The following ZFAND3 variants were observed in gnomAD, a reference collection of about 807,000 sequenced individuals.
ZFAND3 encodes AN1-type zinc finger protein 3.
In ZFAND3, 10 loss-of-function variants were observed where a neutral mutation model predicts 29.6. The observed-to-expected ratio is 0.34, with a 90% CI of 0.21 to 0.57. ZFAND3 has a LOEUF of 0.57. ZFAND3 is among the 20% of genes least tolerant of loss of function. The probability of loss-of-function intolerance (pLI) is 0.86; values close to 1 mark genes in which losing one functional copy is unlikely to be tolerated. For synonymous variants in ZFAND3, 128 were observed against 112.6 expected, an observed-to-expected ratio of 1.14 and a Z score of -0.87; for missense variants, 230 against 304.5, an observed-to-expected ratio of 0.76 and a Z score of 1.82.
chr6:38,040,164 T>A (rs78647675), intron 2 of ZFAND3, among the ~76,000 whole-genome samples: 2 of 152,174 alleles, frequency 1.3e-5, no homozygotes, highest in African/African-American at 4.8e-5. Flanking sequence ...GCCTCAGCTC[T>A]TAAAGGACCT....
At chr6:38,063,752 G>A (rs944524321) in intron 3 of ZFAND3, among the ~76,000 whole-genome samples, 2 of 152,216 alleles carry the variant, frequency 1.3e-5, no homozygotes, top group Admixed American at 6.5e-5. Context: ...GAGGCTAAAT[G>A]TCCAGCTAAG....
chr6:37,968,158 T>C (rs1762324314), intron 2 of ZFAND3, among the ~76,000 whole-genome samples: 1 of 151,978 alleles, frequency 6.6e-6, no homozygotes, highest in Non-Finnish European at 1.5e-5. Flanking sequence ...GACAAGAAAT[T>C]GGGATTTAAT....
At chr6:37,906,333 C>T (rs2127402775) in intron 1 of ZFAND3, among the ~76,000 whole-genome samples, 1 of 152,186 alleles carries the variant, frequency 6.6e-6, no homozygotes, top group South Asian at 2.1e-4. Context: ...CAGGGCTTAT[C>T]CGTGTTGTTG....
At chr6:37,825,520 A>T (rs1023551810) in intron 1 of ZFAND3, among the ~76,000 whole-genome samples, 4 of 149,038 alleles carry the variant, frequency 2.7e-5, no homozygotes, top group African/African-American at 9.8e-5. Context: ...CAGGGAAATA[A>T]TTTTTTTTTT....
intron 2 of ZFAND3, among the ~76,000 whole-genome samples, chr6:38,026,259 C>G (rs543238075): frequency 5.3e-5 from 8 of 152,100 alleles, no homozygotes; most frequent in East Asian, 3.9e-4. Flanking sequence ...TCCTGTTTCT[C>G]TAGTCCCAAG....
intron 2 of ZFAND3, among the ~76,000 whole-genome samples, chr6:37,994,961 AT>A (rs1282566751): frequency 2.0e-5 from 3 of 152,132 alleles, no homozygotes; most frequent in African/African-American, 4.8e-5. Flanking sequence ...CAAGAGTGTT[AT>A]GTTTGGCTGA....
At chr6:38,076,270 A>G (rs752311818) in intron 3 of ZFAND3, among the ~76,000 whole-genome samples, 5 of 152,288 alleles carry the variant, frequency 3.3e-5, no homozygotes, top group Non-Finnish European at 5.9e-5. Flanking sequence ...GCTGTTGCAC[A>G]CTTAATAGAC....
chr6:37,890,397 C>T (rs1765074050), intron 1 of ZFAND3, among the ~76,000 whole-genome samples: 1 of 152,164 alleles, frequency 6.6e-6, no homozygotes, highest in Admixed American at 6.5e-5. Flanking sequence ...AATGGAAAGA[C>T]CATGAACCTG....
rs535134464 is a variant in ZFAND3 at position 37,839,953 on chromosome 6, G to A, written c.71+19937G>A. On this transcript the variant is annotated intron_variant, in intron 1 of 5. Transcript: ENST00000287218. The stretch of plus-strand genomic sequence containing the variant: ...AGAGCACAAAAGTTTTAATTTTGAT[G>A]AATTCTTATTTATCTTTTTGTTGTT... Among the ~76,000 whole-genome samples, 4 of 152,240 alleles carry A rather than the reference G, an allele frequency of 2.6e-5. No individual in the cohort carries two copies. In the South Asian group the frequency reaches 8.3e-4, roughly 32 times the overall value.
At chr6:38,100,153 T>A (rs2127477533) in intron 4 of ZFAND3, among the ~76,000 whole-genome samples, 1 of 152,172 alleles carries the variant, frequency 6.6e-6, no homozygotes, top group South Asian at 2.1e-4. Flanking sequence ...AACCTCCGCC[T>A]CCCAGGTTCA....
Position 38,045,059 on chromosome 6 carries a change from T to TTTAC in ZFAND3, c.113-16531_113-16530insCTTA, listed in dbSNP as rs1315746153. On this transcript the variant is annotated intron_variant, in intron 2 of 5. Coordinates refer to ENST00000287218, the MANE Select transcript of ZFAND3 (RefSeq NM_021943.3). The stretch of plus-strand genomic sequence containing the variant: ...ATCTCCCCATGTGGAAATTCTTTTA[T>TTTAC]TTATTTATTTATTTATTTATTTATT... Among the ~76,000 whole-genome samples the TTTAC allele has an allele frequency of 4.3e-3, 429 of 100,400 alleles. 2 individuals are homozygous for TTTAC. The highest frequency in any genetic ancestry group is 0.015 in the Middle Eastern group (3 of 202). The allele number at this position is 100,400 out of a possible 152,430, so 65.9% of individuals were successfully genotyped here.
chr6:38,125,484 C>T (rs1426848173), intron 5 of ZFAND3, among the ~76,000 whole-genome samples: 2 of 152,212 alleles, frequency 1.3e-5, no homozygotes, highest in Non-Finnish European at 2.9e-5. Context: ...CTGAGCTCTT[C>T]TTACAAGACC....
intron 5 of ZFAND3, among the ~76,000 whole-genome samples, chr6:38,136,247 T>C (rs1396220212): frequency 6.6e-6 from 1 of 152,228 alleles, no homozygotes; most frequent in Non-Finnish European, 1.5e-5. Flanking sequence ...TGTATTGCTA[T>C]ACCCCAGTAC....
At chr6:37,937,514 G>C (rs138424391) in intron 2 of ZFAND3, among the ~76,000 whole-genome samples, 48 of 152,040 alleles carry the variant, frequency 3.2e-4, no homozygotes, top group Non-Finnish European at 6.5e-4. Context: ...AATTAGCTGG[G>C]CCTGGTGGCA....
intron 1 of ZFAND3, among the ~76,000 whole-genome samples, chr6:37,922,247 T>C (rs181047342): frequency 7.7e-4 from 117 of 152,186 alleles, no homozygotes; most frequent in African/African-American, 2.7e-3. Flanking sequence ...AGATTTATGA[T>C]TAAAGATTTA....
chr6:38,123,151 G>A (rs576327524), intron 5 of ZFAND3, among the ~76,000 whole-genome samples: 1 of 152,346 alleles, frequency 6.6e-6, no homozygotes, highest in Admixed American at 6.5e-5. Flanking sequence ...TCAAGGGAAT[G>A]ATCTAGAGAG....
At chr6:37,954,772 T>C (rs1434353012) in intron 2 of ZFAND3, among the ~76,000 whole-genome samples, 1 of 152,200 alleles carries the variant, frequency 6.6e-6, no homozygotes, top group Non-Finnish European at 1.5e-5. Flanking sequence ...GTTTTATCTT[T>C]TGTGGTCTTG....
chr6:38,014,780 G>T (rs1480547888), intron 2 of ZFAND3, among the ~76,000 whole-genome samples: 1 of 152,190 alleles, frequency 6.6e-6, no homozygotes, highest in Non-Finnish European at 1.5e-5. Context: ...AAGGGAGGAG[G>T]CATTTCCTAT....
chr6:37,923,834 A>G (rs1761430386), intron 1 of ZFAND3, among the ~76,000 whole-genome samples: 1 of 152,234 alleles, frequency 6.6e-6, no homozygotes, highest in Non-Finnish European at 1.5e-5. Flanking sequence ...ATGTGTATAT[A>G]TGGTATGAAG....
Sources: gnomAD v4.1 joint callset for allele counts (sites outside exome capture counted in the v4.1 genomes callset) on GRCh38, gnomAD v4.1.1 for gene constraint, MANE v1.5 for transcripts, NCBI Gene and HGNC (gene_info 2026-07-23, HGNC 2026-07-21) for gene names.